The following SRGAP2C variants were observed in gnomAD, a reference collection of about 807,000 sequenced individuals.
SRGAP2C encodes the protein SLIT-ROBO Rho GTPase-activating protein 2C.
A neutral mutation model predicts 25.1 loss-of-function variants in SRGAP2C; 15 were observed. The observed-to-expected ratio is 0.60, with a 90% CI of 0.40 to 0.92. The LOEUF (loss-of-function observed/expected upper bound fraction) is 0.92. Among genes scored for constraint, SRGAP2C ranks in the 40% least tolerant of loss-of-function variants. The probability of loss-of-function intolerance (pLI) is 0.00; values close to 1 mark genes in which losing one functional copy is unlikely to be tolerated. For synonymous variants in SRGAP2C, 44 were observed against 96.6 expected (o/e 0.46, Z 3.19); for missense variants, 144 against 264.4 (o/e 0.54, Z 3.16).
chr1:121,236,212 G>C (rs1655954222), intron 2 of SRGAP2C, among the ~76,000 whole-genome samples: 1 of 151,930 alleles, frequency 6.6e-6, no homozygotes, highest in South Asian at 2.1e-4. Context: ...CTCCTTTCCT[G>C]CGATTACAGC....
chr1:121,347,711 G>A (rs1488891940), intron 4 of SRGAP2C, among the ~76,000 whole-genome samples: 21 of 152,354 alleles, frequency 1.4e-4, no homozygotes, highest in African/African-American at 4.8e-4. Flanking sequence ...GTCAAGGGCT[G>A]TGGAGAGAAA....
At chr1:121,206,238 G>T (rs587762265) in intron 2 of SRGAP2C, among the ~76,000 whole-genome samples, 29 of 151,838 alleles carry the variant, frequency 1.9e-4, no homozygotes, top group Admixed American at 5.9e-4. Context: ...CTACCAGAAA[G>T]CTTGTGAGTT....
intron 2 of SRGAP2C, among the ~76,000 whole-genome samples, chr1:121,282,470 C>T (rs1241305674): frequency 6.6e-6 from 1 of 150,674 alleles, no homozygotes; most frequent in African/African-American, 2.4e-5. Flanking sequence ...GACCTGACAG[C>T]CTTACTGCCC....
chr1:121,225,715 CTTTT>C (rs1214244086), intron 2 of SRGAP2C, among the ~76,000 whole-genome samples: 1 of 146,790 alleles, frequency 6.8e-6, no homozygotes. Flanking sequence ...TGTTTTAAAA[CTTTT>C]TTTTTTTTTT....
chr1:121,279,375 C>T, intron 2 of SRGAP2C, among the ~76,000 whole-genome samples: 1 of 142,582 alleles, frequency 7.0e-6, no homozygotes, highest in Non-Finnish European at 1.5e-5. Context: ...CACTCCCTCA[C>T]CCCCTGTACT....
Position 121,391,455 on chromosome 1 carries a change from G to T in SRGAP2C, c.*3600G>T, listed in dbSNP as rs1660079611. Reference sequence around the variant, plus strand: ...ACCCAGCACAAAGCCAGTCTGCATGGCCTACAGACATATTTTGCTGGACAA... The same window carrying T: ...ACCCAGCACAAAGCCAGTCTGCATGTCCTACAGACATATTTTGCTGGACAA... On this transcript the variant is annotated 3_prime_UTR_variant, in exon 10 of 10. Transcript: ENST00000367123. The T allele has an allele frequency of 6.6e-6, 1 of 152,164 alleles. No individual in the cohort carries two copies. Among genetic ancestry groups the T allele is most frequent in the African/African-American group, 2.4e-5 (1 of 41,418 alleles). The allele number at this position is 152,164 out of a possible 1,614,324, so 9.4% of individuals were successfully genotyped here.
chr1:121,372,998 GA>G (rs1263775549), intron 5 of SRGAP2C, among the ~76,000 whole-genome samples: 4 of 90,904 alleles, frequency 4.4e-5, no homozygotes, highest in African/African-American at 1.7e-4. Flanking sequence ...TCCCTGTGTG[GA>G]AACAGAAAGT....
At chr1:121,274,748 TTTGACTCTTC>T (rs1553335848) in intron 2 of SRGAP2C, among the ~76,000 whole-genome samples, 1 of 107,652 alleles carries the variant, frequency 9.3e-6, no homozygotes. Flanking sequence ...CTCCTTGAGC[TTTGACTCTTC>T]TTGGGCTGTC....
rs1660057523 is a variant in SRGAP2C at position 121,390,954 on chromosome 1, T to C, written c.*3099T>C. 8.0e-6 allele frequency: 1 copy of C among 124,364 alleles called. No homozygotes were observed. The highest frequency in any genetic ancestry group is 2.6e-4 in the South Asian group (1 of 3,872). The allele number at this position is 124,364 out of a possible 1,614,324, so 7.7% of individuals were successfully genotyped here. On this transcript the variant is annotated 3_prime_UTR_variant, in exon 10 of 10. Transcript: ENST00000367123. ...TACTCAGGAGGCTAAGGTGGGAGGA[T>C]TACTTGAACTGGGGAGGCATAGGTT...
intron 2 of SRGAP2C, among the ~76,000 whole-genome samples, chr1:121,260,367 G>T (rs1335172764): frequency 2.0e-5 from 3 of 151,902 alleles, no homozygotes; most frequent in Non-Finnish European, 4.4e-5. Context: ...GTGTATTTGA[G>T]GAATGGCAAG....
chr1:121,191,283 C>A (rs1553319721), intron 2 of SRGAP2C, among the ~76,000 whole-genome samples: 2 of 152,066 alleles, frequency 1.3e-5, no homozygotes, highest in Non-Finnish European at 2.9e-5. Flanking sequence ...TTACGTATAA[C>A]CTATGTACAC....
rs116816580 is a variant in SRGAP2C, at chr1:121,222,512, G to A, written c.67+34999G>A. 2.4e-4 allele frequency among the ~76,000 whole-genome samples: 36 copies of A among 152,078 alleles called. 1 individual carries two copies. Among genetic ancestry groups the A allele is most frequent in the Admixed American group, 8.5e-4 (13 of 15,284 alleles). On this transcript the variant is annotated intron_variant, in intron 2 of 9. Transcript: ENST00000367123. ...GACTTGGTGGCGCCCAACTGTGGTC[G>A]CAGGTACTTGGGAGGCTGAGGCAGG...
rs1477983681 is a variant in SRGAP2C at position 121,329,041 on chromosome 1, G to A, written c.423+4401G>A. ...AGCTTGGCCAACATGGTGAAACCCCGTCTCTACAAAAACACAAAAATTAGC... is the reference window on the plus strand; with the variant it reads ...AGCTTGGCCAACATGGTGAAACCCCATCTCTACAAAAACACAAAAATTAGC... On this transcript the variant is annotated intron_variant, in intron 4 of 9. Coordinates refer to ENST00000367123, the MANE Select transcript of SRGAP2C (RefSeq NM_001329984.2). Among the ~76,000 whole-genome samples, 44 of 136,948 alleles carry A rather than the reference G, an allele frequency of 3.2e-4. No individual in the cohort carries two copies. In the East Asian group the frequency reaches 5.8e-3, roughly 18 times the overall value. The allele number at this position is 136,948 out of a possible 152,430, so 89.8% of individuals were successfully genotyped here. A position where few individuals can be genotyped will look rare whatever the true frequency, so the allele number is the denominator to read the frequency against.
At chr1:121,285,400 T>TCACACA (rs1206046698) in intron 3 of SRGAP2C, among the ~76,000 whole-genome samples, 919 of 64,418 alleles carry the variant, frequency 0.014, 5 homozygotes, top group Middle Eastern at 0.033. Flanking sequence ...TGTCTCTCTC[T>TCACACA]CTCTCACACA....
chr1:121,222,188 A>G (rs1655545777), intron 2 of SRGAP2C, among the ~76,000 whole-genome samples: 1 of 152,170 alleles, frequency 6.6e-6, no homozygotes, highest in Non-Finnish European at 1.5e-5. Context: ...AAATTAAGAT[A>G]TGTGCTCATG....
intron 4 of SRGAP2C, among the ~76,000 whole-genome samples, chr1:121,347,591 G>A (rs1658779190): frequency 6.6e-6 from 1 of 152,174 alleles, no homozygotes; most frequent in African/African-American, 2.4e-5. Flanking sequence ...ATCTCAACTT[G>A]CTGGTTTTAA....
intron 4 of SRGAP2C, among the ~76,000 whole-genome samples, chr1:121,337,652 A>AATAC (rs1382432711): frequency 1.3e-5 from 2 of 149,412 alleles, no homozygotes; most frequent in Non-Finnish European, 3.0e-5. Flanking sequence ...TAAATAAATA[A>AATAC]ATAAATAAAA....
intron 3 of SRGAP2C, among the ~76,000 whole-genome samples, chr1:121,298,369 C>T (rs1404316821): frequency 6.0e-5 from 9 of 149,192 alleles, no homozygotes; most frequent in Non-Finnish European, 1.3e-4. Flanking sequence ...TGTTGAGGCC[C>T]ACAGGTCCCA....
chr1:121,359,442 C>A (rs1156360152), intron 4 of SRGAP2C, among the ~76,000 whole-genome samples: 1 of 150,172 alleles, frequency 6.7e-6, no homozygotes, highest in East Asian at 2.0e-4. Flanking sequence ...GAGTTTGAGA[C>A]CAGCCTGGGG....
Sources: gnomAD v4.1 joint callset for allele counts (sites outside exome capture counted in the v4.1 genomes callset) on GRCh38, gnomAD v4.1.1 for gene constraint, MANE v1.5 for transcripts, NCBI Gene and HGNC (gene_info 2026-07-23, HGNC 2026-07-21) for gene names.